Variants in CDH9 observed in about 807,000 individuals in gnomAD.
CDH9 encodes cadherin 9.
A neutral mutation model predicts 70.9 loss-of-function variants in CDH9; 28 were observed. The observed-to-expected ratio is 0.40, with a 90% confidence interval of 0.29 to 0.54. CDH9 has a LOEUF of 0.54. CDH9 is among the 20% of genes least tolerant of loss of function. CDH9 has a pLI of 0.59. For missense variants in CDH9, 874 were observed against 984.4 expected (o/e 0.89, Z 1.50); for synonymous variants, 409 against 343.1 (o/e 1.19, Z -2.12).
At chr5:26,882,169 T>C (rs1380150327) in intron 11 of CDH9, among the ~76,000 whole-genome samples, 1 of 152,086 alleles carries the variant, frequency 6.6e-6, no homozygotes, top group African/African-American at 2.4e-5. Context: ...CCGTATCTCA[T>C]AGGTTTAACT....
intron 2 of CDH9, among the ~76,000 whole-genome samples, chr5:26,940,494 G>C (rs962704373): frequency 6.6e-6 from 1 of 151,138 alleles, no homozygotes; most frequent in African/African-American, 2.5e-5. Context: ...GCTGCTATTA[G>C]AATATCCTAC....
intron 2 of CDH9, among the ~76,000 whole-genome samples, chr5:26,969,515 T>C (rs571159062): frequency 6.4e-4 from 97 of 152,256 alleles, no homozygotes; most frequent in Middle Eastern, 3.4e-3. Context: ...GTGTGATAAA[T>C]TGAATCATGG....
At chr5:26,940,486 T>G (rs1351132610) in intron 2 of CDH9, among the ~76,000 whole-genome samples, 1 of 151,936 alleles carries the variant, frequency 6.6e-6, no homozygotes, top group Non-Finnish European at 1.5e-5. Context: ...TTGTTAAAGC[T>G]GCTATTAGAA....
chr5:26,988,949 C>T (rs1350368002), intron 1 of CDH9, among the ~76,000 whole-genome samples: 8 of 151,956 alleles, frequency 5.3e-5, no homozygotes, highest in African/African-American at 1.9e-4. Flanking sequence ...CAATACTTAG[C>T]ACCATGTCGA....
intron 3 of CDH9, among the ~76,000 whole-genome samples, chr5:26,908,440 A>G (rs1300800995): frequency 1.3e-5 from 2 of 152,236 alleles, no homozygotes; most frequent in South Asian, 2.1e-4. Context: ...TGAAATATGA[A>G]TTATTAAGCA....
At chr5:26,903,009 A>G (rs1740884050) in intron 6 of CDH9, 3 of 295,966 alleles carry the variant, frequency 1.0e-5, no homozygotes. Context: ...AGTATTATCT[A>G]ATGGATTTAT....
intron 1 of CDH9, among the ~76,000 whole-genome samples, chr5:27,000,545 C>A (rs13354375): frequency 0.02 from 2,995 of 152,054 alleles, 89 homozygotes; most frequent in African/African-American, 0.069. Context: ...TCACAGTGAC[C>A]GAAGTTGGAA....
At position 26,964,736 on chromosome 5, in the gene CDH9, C is replaced by G. The variant is rs974913844; in HGVS notation, c.228+23370G>C. On this transcript the variant is annotated intron_variant, in intron 2 of 11. Transcript: ENST00000231021. ...CATGTTGGTTTGCTGCACCCATCAA[C>G]TCTTCATTATATTAGATAATTCTCC... 1.6e-3 allele frequency among the ~76,000 whole-genome samples: 246 copies of G among 152,088 alleles called. 2 individuals are homozygous for G. The highest frequency in any genetic ancestry group is 5.7e-3 in the African/African-American group (235 of 41,472).
rs908397169 is a variant in CDH9, at chr5:26,996,106, A to G, written c.-49-7724T>C. 2.6e-5 allele frequency among the ~76,000 whole-genome samples: 4 copies of G among 152,014 alleles called. No homozygotes were observed. The South Asian group carries it at 8.3e-4, about 31-fold the overall frequency. ...TGCTTTCTCCTCTCTATACCTACAC[A>G]TATACACTTACAGAAGTTTTAACTC... On this transcript the variant is annotated intron_variant, in intron 1 of 11. Coordinates refer to ENST00000231021, the MANE Select transcript of CDH9 (RefSeq NM_016279.4).
At chr5:26,992,467 A>G (rs1368583143) in intron 1 of CDH9, among the ~76,000 whole-genome samples, 2 of 152,326 alleles carry the variant, frequency 1.3e-5, no homozygotes, top group East Asian at 3.9e-4. Context: ...GGTCCTCACC[A>G]GACACCAAAT....
chr5:26,905,457 T>C (rs1176970086), intron 5 of CDH9, among the ~76,000 whole-genome samples: 1 of 152,148 alleles, frequency 6.6e-6, no homozygotes, highest in Non-Finnish European at 1.5e-5. Flanking sequence ...CCATCTGCAC[T>C]GATATCTTTA....
intron 2 of CDH9, among the ~76,000 whole-genome samples, chr5:26,966,057 C>G (rs1579482361): frequency 6.6e-6 from 1 of 152,166 alleles, no homozygotes; most frequent in Non-Finnish European, 1.5e-5. Context: ...GAACTAGGCA[C>G]TTATTTCCCC....
At chr5:26,939,897 C>T (rs1348873646) in intron 2 of CDH9, among the ~76,000 whole-genome samples, 2 of 152,030 alleles carry the variant, frequency 1.3e-5, no homozygotes, top group African/African-American at 2.4e-5. Flanking sequence ...ACCCTGTAAT[C>T]CCAGCACTTT....
intron 2 of CDH9, among the ~76,000 whole-genome samples, chr5:26,934,092 G>A (rs577074355): frequency 1.3e-5 from 2 of 152,200 alleles, no homozygotes; most frequent in South Asian, 4.1e-4. Context: ...AACAGGCATT[G>A]TATGGCAAGA....
At chr5:26,967,000 A>G (rs1157208536) in intron 2 of CDH9, among the ~76,000 whole-genome samples, 1 of 152,096 alleles carries the variant, frequency 6.6e-6, no homozygotes, top group Non-Finnish European at 1.5e-5. Flanking sequence ...TGGTGAGATC[A>G]CAGCTCGTTG....
intron 2 of CDH9, among the ~76,000 whole-genome samples, chr5:26,961,048 CCTT>C (rs77315188): frequency 0.063 from 9,507 of 152,036 alleles, 384 homozygotes; most frequent in Non-Finnish European, 0.091. Context: ...TCCTTGTCCT[CCTT>C]CTCTTAAAGT....
At chr5:26,885,387 G>A (rs144440337) in intron 11 of CDH9, among the ~76,000 whole-genome samples, 2 of 152,236 alleles carry the variant, frequency 1.3e-5, no homozygotes, top group African/African-American at 4.8e-5. Context: ...TTTTAAATAC[G>A]CATGTGTATA....
chr5:26,946,929 A>G (rs1741764695), intron 2 of CDH9, among the ~76,000 whole-genome samples: 1 of 152,200 alleles, frequency 6.6e-6, no homozygotes, highest in African/African-American at 2.4e-5. Flanking sequence ...CACTGTTTAA[A>G]TTAAAATTAA....
At chr5:26,928,261 T>A (rs10057751) in intron 2 of CDH9, among the ~76,000 whole-genome samples, 14,562 of 151,964 alleles carry the variant, frequency 0.096, 878 homozygotes, top group East Asian at 0.17. Context: ...CTACAAGTAC[T>A]ATAAAATACA....
Sources: gnomAD v4.1 joint callset for allele counts (sites outside exome capture counted in the v4.1 genomes callset) on GRCh38, gnomAD v4.1.1 for gene constraint, MANE v1.5 for transcripts, NCBI Gene and HGNC (gene_info 2026-07-23, HGNC 2026-07-21) for gene names.